The following CD46 variants were observed in gnomAD, a reference collection of about 807,000 sequenced individuals.
CD46 encodes membrane cofactor protein.
In CD46, 30 loss-of-function variants were observed where a neutral mutation model predicts 53.3. The observed-to-expected ratio is 0.56, with a 90% confidence interval of 0.42 to 0.76. The LOEUF (loss-of-function observed/expected upper bound fraction) is 0.76, where lower values mean the gene tolerates loss of function less well. Ranked by LOEUF, CD46 falls within the 30% of genes least tolerant of loss-of-function variation. The pLI, the probability that CD46 is intolerant of heterozygous loss-of-function variation, is 0.00. For missense variants in CD46, 409 were observed against 463.0 expected, an observed-to-expected ratio of 0.88 and a Z score of 1.07; for synonymous variants, 142 against 152.0, an observed-to-expected ratio of 0.93 and a Z score of 0.48.
At chr1:207,762,391 A>G (rs187607937) in intron 5 of CD46, among the ~76,000 whole-genome samples, 248 of 152,336 alleles carry the variant, frequency 1.6e-3, no homozygotes, top group Middle Eastern at 6.8e-3. Flanking sequence ...CCAAACTAGC[A>G]GATGTAAGGA....
At position 207,757,531 on chromosome 1, in the gene CD46, T is replaced by C; in HGVS notation, c.287-9T>C. 1 of 1,552,032 alleles carries C rather than the reference T, an allele frequency of 6.4e-7. No individual in the cohort carries two copies. The highest frequency in any genetic ancestry group is 8.9e-7 in the Non-Finnish European group (1 of 1,127,766). ...TGGATTGAAAACTATCAAAATTATTTTCTTTCAGGAGAAACATGTCCATAT... is the reference window on the plus strand; with the variant it reads ...TGGATTGAAAACTATCAAAATTATTCTCTTTCAGGAGAAACATGTCCATAT... On this transcript the variant is annotated splice_polypyrimidine_tract_variant and intron_variant, in intron 2 of 12. Transcript: ENST00000367042.
intron 6 of CD46, 194 bp downstream of exon 6, chr1:207,767,389 A>T (rs1186681158): frequency 5.6e-6 from 4 of 715,698 alleles, no homozygotes; most frequent in Non-Finnish European, 9.5e-6. Context: ...TGCTGTTGTG[A>T]TTTTTTGTGC....
intron 11 of CD46, among the ~76,000 whole-genome samples, chr1:207,787,286 G>A (rs528784360): frequency 2.0e-5 from 3 of 152,260 alleles, no homozygotes; most frequent in African/African-American, 7.2e-5. Flanking sequence ...TGGTCAGGCT[G>A]GTCTTGAACT....
chr1:207,786,323 A>G (rs1033366953), intron 11 of CD46, among the ~76,000 whole-genome samples: 1 of 152,188 alleles, frequency 6.6e-6, no homozygotes, highest in African/African-American at 2.4e-5. Flanking sequence ...TAGATCTATA[A>G]GGTACCTCAA....
chr1:207,761,043 A>G, intron 4 of CD46: 2 of 567,842 alleles, frequency 3.5e-6, no homozygotes, highest in Middle Eastern at 4.7e-4. Flanking sequence ...TAAGAAAATG[A>G]GATTTGTTCT....
intron 8 of CD46, among the ~76,000 whole-genome samples, chr1:207,781,098 A>G (rs888955191): frequency 2.0e-5 from 3 of 150,814 alleles, no homozygotes; most frequent in Non-Finnish European, 4.4e-5. Flanking sequence ...AAATTTCATC[A>G]TGAGTTTTGA....
At chr1:207,754,153 C>T (rs1385216789) in intron 1 of CD46, among the ~76,000 whole-genome samples, 1 of 152,170 alleles carries the variant, frequency 6.6e-6, no homozygotes, top group African/African-American at 2.4e-5. Context: ...GGGAAGTGCT[C>T]TGGAGGCAAG....
At chr1:207,776,439 C>T (rs1239281437) in intron 8 of CD46, among the ~76,000 whole-genome samples, 1 of 152,234 alleles carries the variant, frequency 6.6e-6, no homozygotes, top group South Asian at 2.1e-4. Context: ...TCTTCTGCAT[C>T]TATCTCGCTG....
At chr1:207,781,018 A>G (rs1658684659) in intron 8 of CD46, among the ~76,000 whole-genome samples, 1 of 151,710 alleles carries the variant, frequency 6.6e-6, no homozygotes, top group Non-Finnish European at 1.5e-5. Flanking sequence ...TAGTCCATTC[A>G]TGAGGACAGA....
At chr1:207,793,040 A>C (rs1659947279) in intron 12 of CD46, among the ~76,000 whole-genome samples, 1 of 152,236 alleles carries the variant, frequency 6.6e-6, no homozygotes, top group African/African-American at 2.4e-5. Context: ...TTATACTAAA[A>C]GTGTGACGTA....
chr1:207,762,793 CGTT>C (rs1656377187), intron 5 of CD46: 4 of 152,394 alleles, frequency 2.6e-5, no homozygotes, highest in Admixed American at 2.0e-4. Context: ...GTGGGGTTGG[CGTT>C]GTTCCACTGC....
In CD46 at chr1:207,793,604, A is replaced by C. The variant is rs757946088; in HGVS notation, c.*127A>C. 2 of 1,610,570 alleles carry C rather than the reference A, an allele frequency of 1.2e-6. No individual in the cohort carries two copies. The highest frequency in any genetic ancestry group is 2.7e-5 in the African/African-American group (2 of 74,838). On this transcript the variant is annotated 3_prime_UTR_variant, in exon 13 of 13. Transcript: ENST00000367042. ...GCAGAGAGGCTGAATAGATTCCACA[A>C]CCTGGTTTGCCAGTTCATCTTTTGA...
chr1:207,789,184 C>T (rs990905445), intron 11 of CD46, among the ~76,000 whole-genome samples: 2 of 152,168 alleles, frequency 1.3e-5, no homozygotes, highest in Non-Finnish European at 2.9e-5. Flanking sequence ...TCTAGTTAAG[C>T]ATCCCTGGAT....
At position 207,785,098 on chromosome 1, in the gene CD46, T is replaced by C; in HGVS notation, c.1010T>C (p.Ile337Thr). The C allele has an allele frequency of 6.2e-7, 1 of 1,612,518 alleles. No individual in the cohort carries two copies. The highest frequency in any genetic ancestry group is 2.2e-5 in the East Asian group (1 of 44,848). ...LDVWVIAVIVIAIVVGVAVIC... is the reference protein window; with the variant it reads ...LDVWVIAVIVTAIVVGVAVIC... Reference sequence around the variant, plus strand: ...GTTTGGGTCATTGCTGTGATTGTTATTGCCATAGGTAAGTATCACAAATTT... The same window carrying C: ...GTTTGGGTCATTGCTGTGATTGTTACTGCCATAGGTAAGTATCACAAATTT... Residue 337 changes from isoleucine (I) to threonine (T), a missense_variant, in exon 10 of 13, where the codon ATT becomes ACT. Physicochemically the swap from Ile to Thr is moderately conservative, Grantham distance 89. Transcript: ENST00000367042.
intron 8 of CD46, among the ~76,000 whole-genome samples, chr1:207,780,073 G>A (rs1045737037): frequency 1.3e-5 from 2 of 151,464 alleles, no homozygotes; most frequent in Admixed American, 1.3e-4. Context: ...GTGGCATTCA[G>A]TACACTGACA....
intron 8 of CD46, among the ~76,000 whole-genome samples, chr1:207,775,880 G>T (rs1485617579): frequency 1.3e-5 from 2 of 152,222 alleles, no homozygotes. Context: ...GCCATGTTCA[G>T]AGCACCACTG....
intron 5 of CD46, chr1:207,762,753 G>T (rs1226576474): frequency 1.3e-5 from 2 of 152,926 alleles, no homozygotes; most frequent in South Asian, 2.0e-4. Context: ...GGCCCAGGAT[G>T]AGACGTGGCA....
chr1:207,784,927 G>T, intron 9 of CD46, 144 bp from the exon 10 acceptor site: 1 of 716,734 alleles, frequency 1.4e-6, no homozygotes. Flanking sequence ...CCCACAACAC[G>T]TGGGGATTAT....
Position 207,793,632 on chromosome 1 carries a change from C to G in CD46, c.*155C>G, listed in dbSNP as rs776622891. 13 of 1,489,918 alleles carry G rather than the reference C, an allele frequency of 8.7e-6. No individual in the cohort carries two copies. In the African/African-American group the frequency reaches 1.2e-4, roughly 14 times the overall value. 92.3% of individuals were successfully genotyped at this position (1,489,918 alleles called of 1,614,324 possible). A position where few individuals can be genotyped will look rare whatever the true frequency, so the allele number is the denominator to read the frequency against. On this transcript the variant is annotated 3_prime_UTR_variant, in exon 13 of 13. Coordinates refer to ENST00000367042, the MANE Select transcript of CD46 (RefSeq NM_172351.3). ...TGGTTTGCCAGTTCATCTTTTGACTCTATTAAAATCTTCAATAGTTGTTAT... is the reference window on the plus strand; with the variant it reads ...TGGTTTGCCAGTTCATCTTTTGACTGTATTAAAATCTTCAATAGTTGTTAT...
Sources: gnomAD v4.1 joint callset for allele counts (sites outside exome capture counted in the v4.1 genomes callset) on GRCh38, gnomAD v4.1.1 for gene constraint, MANE v1.5 for transcripts, NCBI Gene and HGNC (gene_info 2026-07-23, HGNC 2026-07-21) for gene names.